The following TPO variants were observed in gnomAD, a reference collection of about 807,000 sequenced individuals.
The protein encoded by TPO is thyroid peroxidase, also known as thyroid microsomal antigen.
A neutral mutation model predicts 96.9 loss-of-function variants in TPO; 78 were observed. That is an observed-to-expected ratio of 0.81 (90% CI 0.67 to 0.97). TPO has a LOEUF of 0.97. Among genes scored for constraint, TPO ranks in the 50% least tolerant of loss-of-function variants. The probability of loss-of-function intolerance (pLI) is 0.00; values close to 1 mark genes in which losing one functional copy is unlikely to be tolerated. For synonymous variants in TPO, 547 were observed against 538.0 expected, an observed-to-expected ratio of 1.02 and a Z score of -0.23; for missense variants, 1,252 against 1,274.8, an observed-to-expected ratio of 0.98 and a Z score of 0.27.
chr2:1,409,599 G>A (rs1188184983), upstream of TPO, among the ~76,000 whole-genome samples: 2 of 152,046 alleles, frequency 1.3e-5, no homozygotes, highest in African/African-American at 4.8e-5. Flanking sequence ...TGGATCCAAT[G>A]CTGGTGATTA....
intron 1 of TPO, among the ~76,000 whole-genome samples, chr2:1,378,267 T>C (rs534961860): frequency 6.6e-6 from 1 of 152,370 alleles, no homozygotes; most frequent in South Asian, 2.1e-4. Context: ...TGCCCTTACG[T>C]TGCTGGAGAG....
chr2:1,395,224 T>G (rs915958202), intron 1 of TPO, among the ~76,000 whole-genome samples: 1 of 152,086 alleles, frequency 6.6e-6, no homozygotes, highest in Non-Finnish European at 1.5e-5. Context: ...GCACAGAAGC[T>G]CTGGCATAAC....
At chr2:1,448,961 G>A (rs866107716) in intron 5 of TPO, among the ~76,000 whole-genome samples, 4 of 152,146 alleles carry the variant, frequency 2.6e-5, no homozygotes, top group Non-Finnish European at 5.9e-5. Context: ...GAGAACGAAC[G>A]TGGCATGGAC....
At chr2:1,493,330 A>G (rs13423107) in intron 10 of TPO, among the ~76,000 whole-genome samples, 12,896 of 151,924 alleles carry the variant, frequency 0.085, 916 homozygotes, top group African/African-American at 0.19. Context: ...CAGGCTGGGC[A>G]ATAACAGGAA....
At chr2:1,528,352 TC>T (rs1677118447) in intron 15 of TPO, among the ~76,000 whole-genome samples, 1 of 49,966 alleles carries the variant, frequency 2.0e-5, no homozygotes, top group Non-Finnish European at 3.7e-5. Context: ...ACCCCCCAAG[TC>T]CCCCCATTGT....
intron 14 of TPO, among the ~76,000 whole-genome samples, chr2:1,508,044 T>G (rs1297562215): frequency 6.6e-6 from 1 of 152,122 alleles, no homozygotes; most frequent in Non-Finnish European, 1.5e-5. Flanking sequence ...CTCTTATTAT[T>G]TTGAGATACT....
At chr2:1,459,003 G>A (rs970189690) in intron 7 of TPO, among the ~76,000 whole-genome samples, 5 of 152,096 alleles carry the variant, frequency 3.3e-5, no homozygotes, top group Non-Finnish European at 7.4e-5. Context: ...CACGGTGGAG[G>A]TGCCTGTGGA....
At chr2:1,478,268 C>T in intron 8 of TPO, 1 of 985,384 alleles carries the variant, frequency 1.0e-6, no homozygotes, top group Non-Finnish European at 1.2e-6. Context: ...AAATGCGGTC[C>T]CTGACTCTAG....
At chr2:1,537,443 C>CA (rs58290322) in intron 15 of TPO, among the ~76,000 whole-genome samples, 3 of 70,326 alleles carry the variant, frequency 4.3e-5, no homozygotes, top group African/African-American at 1.0e-4. Context: ...TGCAAACTCC[C>CA]AAATCTCCCC....
At position 1,451,827 on chromosome 2, in the gene TPO, T is replaced by C. The variant is rs28909399; in HGVS notation, c.483-1867T>C. On this transcript the variant is annotated intron_variant, in intron 5 of 16. Transcript: ENST00000329066. The stretch of plus-strand genomic sequence containing the variant: ...ATTTTTTTCTCTTTGAATTGACTTT[T>C]ATATTCTAATTCTCTCATATTTCCT... 3.5e-3 allele frequency among the ~76,000 whole-genome samples: 527 copies of C among 152,350 alleles called. 6 individuals carry two copies. The highest frequency in any genetic ancestry group is 0.012 in the African/African-American group (506 of 41,584).
At position 1,477,460 on chromosome 2, in the gene TPO, C is replaced by T; in HGVS notation, c.1194C>T (p.Ser398=). The part of the protein sequence containing the change: ...PCFLAGDGRA[S]EVPSLTALHT... ...TCCTGGCCGGAGACGGCCGCGCCAG[C>T]GAGGTCCCCTCCCTGACGGCACTGC... Residue 398 remains serine (S), a synonymous_variant, in exon 8 of 17, where the codon AGC becomes AGT. Coordinates refer to ENST00000329066, the MANE Select transcript of TPO (RefSeq NM_001206744.2). 1.4e-5 allele frequency: 22 copies of T among 1,527,116 alleles called. No homozygotes were observed. Among genetic ancestry groups the T allele is most frequent in the Non-Finnish European group, 1.8e-5 (21 of 1,142,722 alleles). 94.6% of individuals were successfully genotyped at this position (1,527,116 alleles called of 1,614,324 possible).
intron 6 of TPO, among the ~76,000 whole-genome samples, chr2:1,455,076 C>T (rs1028760034): frequency 3.3e-5 from 5 of 152,154 alleles, no homozygotes; most frequent in Non-Finnish European, 7.3e-5. Context: ...CTCATGGCAC[C>T]TCCTTCCAAG....
chr2:1,455,722 T>A (rs1449630057), intron 6 of TPO, among the ~76,000 whole-genome samples: 1 of 152,218 alleles, frequency 6.6e-6, no homozygotes, highest in Non-Finnish European at 1.5e-5. Flanking sequence ...CTCTGAGTCA[T>A]GAACTCAACT....
intron 5 of TPO, among the ~76,000 whole-genome samples, chr2:1,441,656 G>T (rs1016443601): frequency 1.3e-5 from 2 of 152,160 alleles, no homozygotes; most frequent in Non-Finnish European, 1.5e-5. Context: ...TTCCTCACCT[G>T]TGTGTTTTTA....
In TPO at chr2:1,496,739, G is replaced by A. The variant is rs535527553; in HGVS notation, c.2360G>A (p.Trp787Ter). 3 of 1,614,144 alleles carry A rather than the reference G, an allele frequency of 1.9e-6. No individual in the cohort carries two copies. The highest frequency in any genetic ancestry group is 1.7e-5 in the Admixed American group (1 of 60,020). The stretch of plus-strand genomic sequence containing the variant: ...CAGCTCACTTGCACCCAGGAAGGAT[G>A]GGATTTCCAGCCTCCCCTCTGCAAA... ...REQLTCTQEG[W>*]DFQPPLCKDV... Residue 787 changes from tryptophan (W) to a stop codon, truncating the protein, a stop_gained, in exon 13 of 17, where the codon TGG becomes TAG. Transcript: ENST00000329066. LOFTEE classifies it high-confidence loss of function.
intron 13 of TPO, among the ~76,000 whole-genome samples, chr2:1,498,217 C>T (rs978198470): frequency 2.0e-5 from 3 of 152,190 alleles, no homozygotes; most frequent in African/African-American, 7.2e-5. Context: ...GACCCTCAGT[C>T]ATAAAGGGAG....
chr2:1,473,086 C>G (rs983115845), intron 7 of TPO, among the ~76,000 whole-genome samples: 2 of 152,154 alleles, frequency 1.3e-5, no homozygotes, highest in Admixed American at 6.5e-5. Flanking sequence ...TTTTCTACAG[C>G]CCCATCAATA....
chr2:1,473,935 A>G (rs1309824814), intron 7 of TPO, among the ~76,000 whole-genome samples: 2 of 152,196 alleles, frequency 1.3e-5, no homozygotes, highest in Non-Finnish European at 2.9e-5. Context: ...CATCTAACAT[A>G]GCATTAAGAA....
chr2:1,487,973 C>G lies in TPO; in HGVS notation c.1750C>G (p.Arg584Gly), dbSNP rs758751424. Residue 584 changes from arginine (R) to glycine (G), a missense_variant, in exon 10 of 17, where the codon CGG (arginine) becomes GGG (glycine). By Grantham distance (125) the Arg-to-Gly change is moderately radical. Transcript: ENST00000329066. Reference sequence around the variant, plus strand: ...GGCGTCCATCAACCTGCAGAGGGGCCGGGACCACGGGCTGCCAGGTCTGCC... The same window carrying G: ...GGCGTCCATCAACCTGCAGAGGGGCGGGGACCACGGGCTGCCAGGTCTGCC... ...DLASINLQRG[R>G]DHGLPGYNEW... 1.2e-6 allele frequency: 2 copies of G among 1,613,336 alleles called. No individual in the cohort carries two copies. The highest frequency in any genetic ancestry group is 8.5e-7 in the Non-Finnish European group (1 of 1,180,024).
Sources: allele counts gnomAD v4.1 joint callset (sites outside exome capture counted in the v4.1 genomes callset), GRCh38; gene constraint gnomAD v4.1.1; transcripts MANE v1.5; gene names NCBI Gene and HGNC (gene_info 2026-07-23, HGNC 2026-07-21).